Variants in HPSE2 observed in about 807,000 individuals in gnomAD.
The protein encoded by HPSE2 is inactive heparanase-2.
A neutral mutation model predicts 60.5 loss-of-function variants in HPSE2; 38 were observed. The observed-to-expected ratio is 0.63, with a 90% CI of 0.48 to 0.82. The LOEUF is 0.82. Among genes scored for constraint, HPSE2 ranks in the 40% least tolerant of loss-of-function variants. HPSE2 has a pLI of 0.00. For missense variants in HPSE2, 713 were observed against 740.4 expected (o/e 0.96, Z 0.43); for synonymous variants, 295 against 293.2 (o/e 1.01, Z -0.06).
chr10:98,816,000 G>A (rs1213567697), intron 3 of HPSE2, among the ~76,000 whole-genome samples: 1 of 139,656 alleles, frequency 7.2e-6, no homozygotes, highest in East Asian at 2.4e-4. Flanking sequence ...ACACAGGAAG[G>A]GGAACATCAC....
chr10:99,182,454 A>G (rs1276142097), intron 2 of HPSE2, among the ~76,000 whole-genome samples: 2 of 152,218 alleles, frequency 1.3e-5, no homozygotes, highest in South Asian at 2.1e-4. Context: ...CCTTACAAAT[A>G]TTTAGCAAGC....
At chr10:98,823,313 G>A (rs1951465578) in intron 3 of HPSE2, among the ~76,000 whole-genome samples, 1 of 152,072 alleles carries the variant, frequency 6.6e-6, no homozygotes, top group African/African-American at 2.4e-5. Flanking sequence ...GAATATAGAT[G>A]GATTACTATA....
chr10:98,791,267 T>G (rs551952667), intron 3 of HPSE2, among the ~76,000 whole-genome samples: 11 of 152,076 alleles, frequency 7.2e-5, no homozygotes, highest in Non-Finnish European at 1.3e-4. Context: ...AGGGAGCAAA[T>G]GCAATGCTAT....
intron 2 of HPSE2, among the ~76,000 whole-genome samples, chr10:99,191,143 A>C (rs1366031141): frequency 6.6e-6 from 1 of 152,066 alleles, no homozygotes; most frequent in African/African-American, 2.4e-5. Context: ...TAAGGTTCCC[A>C]ACTCCAGGCC....
chr10:98,909,546 CT>C (rs995729731), intron 3 of HPSE2, among the ~76,000 whole-genome samples: 5 of 151,204 alleles, frequency 3.3e-5, no homozygotes, highest in Non-Finnish European at 5.9e-5. Context: ...AGAAGAATCG[CT>C]TGAACTCAGG....
intron 2 of HPSE2, among the ~76,000 whole-genome samples, chr10:99,150,161 T>C (rs1846206047): frequency 6.6e-6 from 1 of 152,176 alleles, no homozygotes; most frequent in African/African-American, 2.4e-5. Context: ...CTAGAATCAA[T>C]TTATTGTCTA....
At chr10:99,309,150 G>A in the HPSE2 span, among the ~76,000 whole-genome samples, 1 of 152,116 alleles carries the variant, frequency 6.6e-6, no homozygotes, top group Non-Finnish European at 1.5e-5. Flanking sequence ...ACAGAAAGTA[G>A]ATGTGTAGTT....
At chr10:99,305,931 A>G in the HPSE2 span, among the ~76,000 whole-genome samples, 1 of 149,064 alleles carries the variant, frequency 6.7e-6, no homozygotes, top group Non-Finnish European at 1.5e-5. Flanking sequence ...ACTCAAAAGA[A>G]ATCAATAGAA....
At chr10:98,468,083 T>C (rs1029489681) in intron 11 of HPSE2, among the ~76,000 whole-genome samples, 2 of 152,246 alleles carry the variant, frequency 1.3e-5, no homozygotes, top group Non-Finnish European at 2.9e-5. Flanking sequence ...GCGAGGAAGC[T>C]GGTATGTGCA....
chr10:98,572,238 C>A (rs1219160962), intron 9 of HPSE2, among the ~76,000 whole-genome samples: 1 of 152,094 alleles, frequency 6.6e-6, no homozygotes, highest in Non-Finnish European at 1.5e-5. Context: ...CTGTGCCTGG[C>A]CTTTTCTTTT....
intron 3 of HPSE2, among the ~76,000 whole-genome samples, chr10:98,763,950 A>G (rs186449818): frequency 6.6e-6 from 1 of 152,230 alleles, no homozygotes; most frequent in East Asian, 1.9e-4. Context: ...TTCTCCTCTC[A>G]AATAATTTAA....
At chr10:99,058,130 G>C (rs939983458) in intron 3 of HPSE2, among the ~76,000 whole-genome samples, 2 of 152,160 alleles carry the variant, frequency 1.3e-5, no homozygotes, top group African/African-American at 4.8e-5. Flanking sequence ...CAGTTTTAGA[G>C]GGTTCCGGCA....
intron 9 of HPSE2, among the ~76,000 whole-genome samples, chr10:98,565,265 G>A (rs545305064): frequency 2.7e-4 from 41 of 151,714 alleles, no homozygotes; most frequent in Non-Finnish European, 4.7e-4. Flanking sequence ...CTATCAACCC[G>A]TCATCTAGGT....
intron 3 of HPSE2, among the ~76,000 whole-genome samples, chr10:98,911,152 G>T (rs769339429): frequency 6.6e-6 from 1 of 152,196 alleles, no homozygotes; most frequent in Admixed American, 6.5e-5. Flanking sequence ...CTCAACAAAT[G>T]TGGCTGTAGT....
intron 7 of HPSE2, among the ~76,000 whole-genome samples, chr10:98,625,046 G>A (rs1046198515): frequency 2.0e-5 from 3 of 152,220 alleles, no homozygotes; most frequent in Non-Finnish European, 2.9e-5. Context: ...ATTCACTTTT[G>A]TATTTACTTC....
chr10:99,094,553 T>G (rs1271960605), intron 3 of HPSE2, among the ~76,000 whole-genome samples: 1 of 60,110 alleles, frequency 1.7e-5, no homozygotes, highest in Non-Finnish European at 3.5e-5. Flanking sequence ...TTTTTTTTTT[T>G]TTTTTTTTTT....
chr10:98,859,080 C>T (rs1952388785), intron 3 of HPSE2, among the ~76,000 whole-genome samples: 1 of 152,186 alleles, frequency 6.6e-6, no homozygotes, highest in Admixed American at 6.5e-5. Flanking sequence ...AGGTGCGTTT[C>T]ACTGTGCCAA....
intron 4 of HPSE2, among the ~76,000 whole-genome samples, chr10:98,736,211 TG>T (rs1429851917): frequency 5.1e-4 from 23 of 44,694 alleles, no homozygotes; most frequent in African/African-American, 8.7e-4. Flanking sequence ...CCCTTTTGCT[TG>T]GTTTTTTTTT....
At chr10:98,917,769 T>C (rs1419686460) in intron 3 of HPSE2, among the ~76,000 whole-genome samples, 3 of 152,146 alleles carry the variant, frequency 2.0e-5, no homozygotes, top group Admixed American at 2.0e-4. Context: ...AAGGAACAAA[T>C]AAACGTTTAG....
Sources: gnomAD v4.1 joint callset for allele counts (sites outside exome capture counted in the v4.1 genomes callset) on GRCh38, gnomAD v4.1.1 for gene constraint, MANE v1.5 for transcripts, NCBI Gene and HGNC (gene_info 2026-07-23, HGNC 2026-07-21) for gene names.